The following SPATA22 variants were observed in gnomAD, a reference collection of about 807,000 sequenced individuals.
SPATA22 encodes the protein spermatogenesis-associated protein 22.
A neutral mutation model predicts 47.8 loss-of-function variants in SPATA22; 29 were observed. The ratio of observed to expected loss-of-function variants is 0.61; its 90% CI spans 0.45 to 0.83. The LOEUF is 0.83. Ranked by LOEUF, SPATA22 falls within the 40% of genes least tolerant of loss-of-function variation. The pLI, the probability that SPATA22 is intolerant of heterozygous loss-of-function variation, is 0.00. For missense variants in SPATA22, 410 were observed against 421.7 expected (o/e 0.97, Z 0.24); for synonymous variants, 133 against 140.9 (o/e 0.94, Z 0.40).
intron 3 of SPATA22, among the ~76,000 whole-genome samples, chr17:3,463,133 T>G (rs1225578851): frequency 6.6e-6 from 1 of 152,178 alleles, no homozygotes; most frequent in Non-Finnish European, 1.5e-5. Context: ...ACATGCATGA[T>G]ATATGTGTGA....
At chr17:3,462,460 A>C (rs751829780) in intron 5 of SPATA22, 23 bp downstream of exon 5, 4 of 1,511,950 alleles carry the variant, frequency 2.6e-6, no homozygotes, top group Non-Finnish European at 3.6e-6. Context: ...ATAGAAGAAG[A>C]AAGAAATTTT....
chr17:3,501,030 G>T (rs75440968), intron 1 of SPATA22: 3 of 152,094 alleles, frequency 2.0e-5, no homozygotes, highest in African/African-American at 7.2e-5. Context: ...GGAGATGTGC[G>T]AAGAGATTAG....
chr17:3,500,952 A>G (rs2073982789), intron 1 of SPATA22: 2 of 13,808 alleles, frequency 1.4e-4, no homozygotes, highest in South Asian at 7.4e-3. Context: ...CTGCTTGGGA[A>G]AAAAAAAAAT....
chr17:3,461,194 A>C (rs1164017836), intron 5 of SPATA22, among the ~76,000 whole-genome samples: 1 of 152,212 alleles, frequency 6.6e-6, no homozygotes, highest in Admixed American at 6.5e-5. Flanking sequence ...ATACTAAAAA[A>C]TTCCTGATTA....
chr17:3,502,045 G>C (rs2073997090), intron 1 of SPATA22: 1 of 152,138 alleles, frequency 6.6e-6, no homozygotes, highest in South Asian at 2.1e-4. Context: ...ACGAAAGGAA[G>C]AGTCAATCAA....
intron 5 of SPATA22, among the ~76,000 whole-genome samples, chr17:3,450,005 A>G (rs1203245943): frequency 1.3e-5 from 2 of 152,158 alleles, no homozygotes; most frequent in African/African-American, 2.4e-5. Context: ...GGTGAGTGCC[A>G]CTATGCCCAG....
chr17:3,445,870 T>G (rs2072715660), intron 7 of SPATA22, among the ~76,000 whole-genome samples: 1 of 152,082 alleles, frequency 6.6e-6, no homozygotes, highest in Non-Finnish European at 1.5e-5. Flanking sequence ...CCATTGCTGC[T>G]TACAAATTAC....
chr17:3,476,161 T>A, upstream of SPATA22: 1 of 1,613,224 alleles, frequency 6.2e-7, no homozygotes, highest in Non-Finnish European at 8.5e-7. Context: ...CTTGGTGAAA[T>A]GACTTCTTGT....
At chr17:3,448,042 C>T (rs4790484) in intron 6 of SPATA22, among the ~76,000 whole-genome samples, 35,557 of 152,076 alleles carry the variant, frequency 0.23, 4,425 homozygotes, top group East Asian at 0.42. Flanking sequence ...AAAGAGCAAT[C>T]AGAGCACTGA....
At chr17:3,455,196 C>G (rs1188917638) in intron 5 of SPATA22, among the ~76,000 whole-genome samples, 1 of 151,846 alleles carries the variant, frequency 6.6e-6, no homozygotes, top group East Asian at 1.9e-4. Flanking sequence ...TGGATATTAG[C>G]CCTTTGTCAG....
chr17:3,440,383 C>A, intron 8 of SPATA22, 45 bp from the exon 9 acceptor site: 1 of 1,448,068 alleles, frequency 6.9e-7, no homozygotes, highest in Non-Finnish European at 9.2e-7. Context: ...ATTACTTCAT[C>A]TGAATTTCAA....
At chr17:3,495,546 G>GTTTGTT (rs149605858) in intron 1 of SPATA22, among the ~76,000 whole-genome samples, 53 of 151,162 alleles carry the variant, frequency 3.5e-4, no homozygotes, top group East Asian at 1.6e-3. Flanking sequence ...CTTAGGCAGT[G>GTTTGTT]TTTGTTTTTG....
At chr17:3,440,977 T>TA (rs2072584906) in intron 8 of SPATA22, 1 of 152,046 alleles carries the variant, frequency 6.6e-6, no homozygotes, top group African/African-American at 2.4e-5. Context: ...GAGATTCTAG[T>TA]AACCACCCCC....
intron 8 of SPATA22, chr17:3,441,762 C>G (rs1407641622): frequency 6.6e-6 from 1 of 151,950 alleles, no homozygotes; most frequent in African/African-American, 2.4e-5. Context: ...TGCCCACCAA[C>G]AGTGAAATAG....
intron 1 of SPATA22, 160 bp downstream of exon 1, chr17:3,471,522 A>G (rs1041897694): frequency 2.0e-6 from 2 of 979,142 alleles, no homozygotes; most frequent in African/African-American, 1.8e-5. Context: ...CTGCACGCAC[A>G]CACACACACA....
chr17:3,464,075 T>C (rs1406530462), intron 3 of SPATA22, among the ~76,000 whole-genome samples: 2 of 151,572 alleles, frequency 1.3e-5, no homozygotes, highest in Non-Finnish European at 2.9e-5. Flanking sequence ...CACTGCAACC[T>C]CCCTGCCTGA....
At chr17:3,508,758 G>T (rs1428967662) in intron 1 of SPATA22, among the ~76,000 whole-genome samples, 1 of 100,900 alleles carries the variant, frequency 9.9e-6, no homozygotes, top group East Asian at 3.7e-4. Context: ...TGTGGGGTGG[G>T]GGGAGGGGGG....
At chr17:3,503,909 A>T (rs1189994875) in intron 1 of SPATA22, among the ~76,000 whole-genome samples, 2 of 152,160 alleles carry the variant, frequency 1.3e-5, no homozygotes, top group African/African-American at 4.8e-5. Context: ...TTAGCACAGA[A>T]TACATACTTA....
intron 1 of SPATA22, among the ~76,000 whole-genome samples, chr17:3,487,061 TGTGTGTGTGTGC>T (rs955724771): frequency 1.4e-4 from 20 of 140,594 alleles, no homozygotes; most frequent in African/African-American, 5.5e-4. Flanking sequence ...TGTGTGTTTA[TGTGTGTGTGTGC>T]GTGTGTGTGT....
Sources: gnomAD v4.1 joint callset for allele counts (sites outside exome capture counted in the v4.1 genomes callset) on GRCh38, gnomAD v4.1.1 for gene constraint, MANE v1.5 for transcripts, NCBI Gene and HGNC (gene_info 2026-07-23, HGNC 2026-07-21) for gene names.